Variants in NETO2 observed in about 807,000 individuals in gnomAD.
NETO2 encodes the protein neuropilin and tolloid like 2.
A neutral mutation model predicts 62.5 loss-of-function variants in NETO2; 28 were observed. The ratio of observed to expected loss-of-function variants is 0.45; its 90% CI spans 0.33 to 0.61. The LOEUF (loss-of-function observed/expected upper bound fraction) is 0.61. Among genes scored for constraint, NETO2 ranks in the 20% least tolerant of loss-of-function variants. NETO2 has a pLI of 0.02. For synonymous variants in NETO2, 214 were observed against 219.1 expected (o/e 0.98, Z 0.21); for missense variants, 548 against 643.2 (o/e 0.85, Z 1.60).
chr16:47,088,502 G>C (rs918115840), intron 7 of NETO2, among the ~76,000 whole-genome samples: 4 of 152,134 alleles, frequency 2.6e-5, no homozygotes, highest in Non-Finnish European at 4.4e-5. Context: ...GAAAATATTT[G>C]CTGCACCAAG....
intron 1 of NETO2, among the ~76,000 whole-genome samples, chr16:47,140,918 A>C (rs1255907763): frequency 6.6e-6 from 1 of 152,250 alleles, no homozygotes; most frequent in Non-Finnish European, 1.5e-5. Context: ...GCAAGTGTGC[A>C]GAATAAGAAC....
At chr16:47,117,665 T>G (rs560041405) in intron 6 of NETO2, among the ~76,000 whole-genome samples, 3 of 152,308 alleles carry the variant, frequency 2.0e-5, no homozygotes, top group Non-Finnish European at 4.4e-5. Context: ...AAAATTCAGA[T>G]TTTTCTTTTA....
At chr16:47,099,851 CAAT>C (rs1410423599) in intron 7 of NETO2, among the ~76,000 whole-genome samples, 3 of 152,130 alleles carry the variant, frequency 2.0e-5, no homozygotes, top group Non-Finnish European at 4.4e-5. Flanking sequence ...GACTCCCACA[CAAT>C]AATAGTGAAA....
chr16:47,128,929 AATT>A (rs936295784), intron 3 of NETO2, among the ~76,000 whole-genome samples: 1 of 152,230 alleles, frequency 6.6e-6, no homozygotes, highest in African/African-American at 2.4e-5. Context: ...CATAAATTTG[AATT>A]AAGCCTTATA....
At chr16:47,140,072 A>G (rs1964432414) in intron 1 of NETO2, among the ~76,000 whole-genome samples, 1 of 152,252 alleles carries the variant, frequency 6.6e-6, no homozygotes. Context: ...TGGAAGCAAT[A>G]TAACAAACCC....
intron 4 of NETO2, among the ~76,000 whole-genome samples, chr16:47,124,880 T>C (rs1038989020): frequency 3.9e-5 from 6 of 152,132 alleles, no homozygotes; most frequent in Admixed American, 6.6e-5. Context: ...AAAATGCAAA[T>C]GAAAGGTGAT....
At chr16:47,113,752 C>T (rs982929209) in intron 6 of NETO2, among the ~76,000 whole-genome samples, 1 of 151,494 alleles carries the variant, frequency 6.6e-6, no homozygotes, top group South Asian at 2.1e-4. Flanking sequence ...CCACCAGGCC[C>T]GGCTAATTTT....
intron 4 of NETO2, among the ~76,000 whole-genome samples, chr16:47,127,121 T>C (rs1318967272): frequency 2.0e-5 from 3 of 152,248 alleles, no homozygotes; most frequent in Admixed American, 6.5e-5. Flanking sequence ...TTTCAATGTT[T>C]TAATTTTTTC....
At chr16:47,136,572 A>AT (rs1964364854) in intron 1 of NETO2, among the ~76,000 whole-genome samples, 2 of 151,844 alleles carry the variant, frequency 1.3e-5, no homozygotes, top group South Asian at 2.1e-4. Flanking sequence ...CGGCCAGCTC[A>AT]TTTTTTCTAT....
At chr16:47,122,967 C>T (rs913765426) in intron 4 of NETO2, 55 bp from the exon 5 acceptor site, 11 of 1,510,188 alleles carry the variant, frequency 7.3e-6, no homozygotes, top group African/African-American at 2.8e-5. Context: ...CTTTAATCCT[C>T]GATGTCTTAC....
chr16:47,136,961 C>G (rs1386845627), intron 1 of NETO2, among the ~76,000 whole-genome samples: 1 of 152,002 alleles, frequency 6.6e-6, no homozygotes, highest in African/African-American at 2.4e-5. Context: ...AAAGATTAGA[C>G]CATCATAAAA....
At position 47,080,453 on chromosome 16, in the gene NETO2, T is replaced by A. The variant is rs1337772483; in HGVS notation, c.*2768A>T. 4 of 152,250 alleles carry A rather than the reference T, an allele frequency of 2.6e-5. No individual in the cohort carries two copies. The allele number at this position is 152,250 out of a possible 1,614,324, so 9.4% of individuals were successfully genotyped here. The stretch of plus-strand genomic sequence containing the variant: ...TCATGTCTTCTGTTATTAAATTTTA[T>A]GGCTTTCATTTTAGTAAGCAATTTA... On this transcript the variant is annotated 3_prime_UTR_variant, in exon 9 of 9. Coordinates refer to ENST00000562435, the MANE Select transcript of NETO2 (RefSeq NM_018092.5).
intron 7 of NETO2, among the ~76,000 whole-genome samples, chr16:47,098,357 C>G (rs1170215156): frequency 6.6e-6 from 1 of 152,100 alleles, no homozygotes; most frequent in Non-Finnish European, 1.5e-5. Flanking sequence ...CTGAAAAACA[C>G]AGCATGAGAA....
At chr16:47,104,311 A>G (rs1963622489) in intron 7 of NETO2, among the ~76,000 whole-genome samples, 1 of 152,258 alleles carries the variant, frequency 6.6e-6, no homozygotes, top group Non-Finnish European at 1.5e-5. Flanking sequence ...AATATTAGGA[A>G]TAAATTTAAC....
chr16:47,114,033 C>T lies in NETO2; in HGVS notation c.655-4322G>A, dbSNP rs146032600. ...CTCCCGGGTACCCATCCAGAAGAGA[C>T]GGCTGAGTCACACAGTTACTTTATA... On this transcript the variant is annotated intron_variant, in intron 6 of 8. Coordinates refer to ENST00000562435, the MANE Select transcript of NETO2 (RefSeq NM_018092.5). Among the ~76,000 whole-genome samples, 653 of 152,220 alleles carry T rather than the reference C, an allele frequency of 4.3e-3. 5 individuals are homozygous for T. The highest frequency in any genetic ancestry group is 8.7e-3 in the South Asian group (42 of 4,824).
chr16:47,116,964 C>G (rs2078255), intron 6 of NETO2, among the ~76,000 whole-genome samples: 3,086 of 152,262 alleles, frequency 0.02, 106 homozygotes, highest in African/African-American at 0.07. Flanking sequence ...AGAATTCTCT[C>G]TTTCATTCCT....
In NETO2 at chr16:47,143,825, G is replaced by T; in HGVS notation, c.-213C>A. 2.0e-6 allele frequency: 1 copy of T among 491,770 alleles called. No homozygotes were observed. The highest frequency in any genetic ancestry group is 3.0e-6 in the Non-Finnish European group (1 of 333,914). The allele number at this position is 491,770 out of a possible 1,614,324, so 30.5% of individuals were successfully genotyped here. A position where few individuals can be genotyped will look rare whatever the true frequency, so the allele number is the denominator to read the frequency against. ...GCGCGGCCCGAGCACCCCGACGGGC[G>T]CCGCCTCCTGCTCCGCGGCGCCCCG... On this transcript the variant is annotated 5_prime_UTR_variant, in exon 1 of 9. Coordinates refer to ENST00000562435, the MANE Select transcript of NETO2 (RefSeq NM_018092.5).
At chr16:47,123,296 G>C (rs1377376813) in intron 4 of NETO2, among the ~76,000 whole-genome samples, 2 of 152,120 alleles carry the variant, frequency 1.3e-5, no homozygotes, top group Non-Finnish European at 2.9e-5. Context: ...GGTGGTAATA[G>C]TTGCATAATA....
chr16:47,128,718 T>C, intron 3 of NETO2, 145 bp from the exon 4 acceptor site: 1 of 837,366 alleles, frequency 1.2e-6, no homozygotes. Flanking sequence ...CAAGTCATGA[T>C]AAATGTATCT....
Sources: allele counts gnomAD v4.1 joint callset (sites outside exome capture counted in the v4.1 genomes callset), GRCh38; gene constraint gnomAD v4.1.1; transcripts MANE v1.5; gene names NCBI Gene and HGNC (gene_info 2026-07-23, HGNC 2026-07-21).